ADGRA2: variants seen among roughly 807,000 people sequenced by gnomAD.
ADGRA2 encodes adhesion G protein-coupled receptor A2, also known as G-protein coupled receptor 124.
In ADGRA2, 61 loss-of-function variants were observed where a neutral mutation model predicts 98.7. The ratio of observed to expected loss-of-function variants is 0.62; its 90% confidence interval spans 0.50 to 0.76. The LOEUF (loss-of-function observed/expected upper bound fraction) is 0.76, where lower values mean the gene tolerates loss of function less well. ADGRA2 is among the 30% of genes least tolerant of loss of function. The pLI is 0.00. For missense variants in ADGRA2, 1,712 were observed against 1,860.0 expected, an observed-to-expected ratio of 0.92 and a Z score of 1.46; for synonymous variants, 858 against 831.5, an observed-to-expected ratio of 1.03 and a Z score of -0.55.
At chr8:37,819,176 G>A (rs994600705) in intron 2 of ADGRA2, among the ~76,000 whole-genome samples, 2 of 152,100 alleles carry the variant, frequency 1.3e-5, no homozygotes, top group African/African-American at 4.8e-5. Flanking sequence ...ATGTGTGTGG[G>A]ACACCCACAG....
At chr8:37,833,536 T>A in intron 9 of ADGRA2, 152 bp from the exon 10 acceptor site, 1 of 749,014 alleles carries the variant, frequency 1.3e-6, no homozygotes, top group Non-Finnish European at 2.2e-6. Flanking sequence ...GGTCTCAGCC[T>A]CCTCTGCCCT....
At chr8:37,815,021 G>A in intron 2 of ADGRA2, 54 bp downstream of exon 2, 3 of 1,227,752 alleles carry the variant, frequency 2.4e-6, no homozygotes, top group South Asian at 1.2e-5. Flanking sequence ...ATGGCAAGAG[G>A]TCACCCCGGG....
intron 1 of ADGRA2, among the ~76,000 whole-genome samples, chr8:37,806,726 C>T (rs2129915545): frequency 6.6e-6 from 1 of 151,870 alleles, no homozygotes; most frequent in East Asian, 1.9e-4. Flanking sequence ...GACGGGGTTT[C>T]ACCATGTTGG....
rs1368293710 is a variant in ADGRA2, at chr8:37,814,800, A to G, written c.267-96A>G. On this transcript the variant is annotated intron_variant, in intron 1 of 18. Coordinates refer to ENST00000412232, the MANE Select transcript of ADGRA2 (RefSeq NM_032777.10). This position sits in a 1 kb window ranked among gnomAD's most constrained non-coding sequence, Gnocchi z 4.3. ...GCCTCGCACAACTCCAGGGGGCGCC[A>G]TTGACAAAGATGCAAGCTGGCCCCA... The G allele has an allele frequency of 1.2e-6, 1 of 869,308 alleles. No individual in the cohort carries two copies. The highest frequency in any genetic ancestry group is 2.0e-6 in the Non-Finnish European group (1 of 511,866). The allele number at this position is 869,308 out of a possible 1,614,324, so 53.8% of individuals were successfully genotyped here.
At chr8:37,800,192 A>T (rs569927627) in intron 1 of ADGRA2, among the ~76,000 whole-genome samples, 2 of 152,332 alleles carry the variant, frequency 1.3e-5, no homozygotes, top group African/African-American at 4.8e-5. Context: ...TAACTCACGT[A>T]TTACTGTTAC....
In ADGRA2 at chr8:37,840,807, C is replaced by T; in HGVS notation, c.2705C>T (p.Thr902Ile). Residue 902 changes from threonine to isoleucine, a missense_variant, in exon 18 of 19, where the codon ACA (threonine) becomes ATA (isoleucine). By Grantham distance (89) the Thr-to-Ile change is moderately conservative (BLOSUM62 -1). Transcript: ENST00000412232. ...GGIPLIICGITAAVNIHNYRD... is the reference protein window; with the variant it reads ...GGIPLIICGIIAAVNIHNYRD... ...ATTCCACTCATTATCTGTGGCATCA[C>T]AGCTGCAGTCAACATCCACAACTAC... 1 of 1,610,430 alleles carries T rather than the reference C, an allele frequency of 6.2e-7. No individual in the cohort carries two copies. Among genetic ancestry groups the T allele is most frequent in the Non-Finnish European group, 8.5e-7 (1 of 1,177,234 alleles).
Position 37,835,863 on chromosome 8 carries a change from C to A in ADGRA2, c.2050+93C>A, listed in dbSNP as rs570137926. The stretch of plus-strand genomic sequence containing the variant: ...TGCCCTTCCCTGGCCCACAGCCCCC[C>A]AGTGCCGTAGTGGAACTGACACAGG... On this transcript the variant is annotated intron_variant, in intron 13 of 18. Transcript: ENST00000412232. 2.3e-4 allele frequency: 180 copies of A among 777,126 alleles called. 5 individuals carry two copies. The South Asian group carries it at 2.5e-3, about 11-fold the overall frequency. The allele number at this position is 777,126 out of a possible 1,614,324, so 48.1% of individuals were successfully genotyped here.
chr8:37,840,266 G>A lies in ADGRA2; in HGVS notation c.2657G>A (p.Arg886Gln), dbSNP rs756095204. 40 of 1,611,570 alleles carry A rather than the reference G, an allele frequency of 2.5e-5. 1 individual carries two copies. The highest frequency in any genetic ancestry group is 1.0e-4 in the Admixed American group (6 of 59,988). Residue 886 changes from arginine to glutamine, a missense_variant and splice_region_variant, in exon 17 of 19, where the codon CGG becomes CAG. Transcript: ENST00000412232. ...CTGCCTACTCCCAGTCCTATGCTCC[G>A]GTACATACTTTCAATTCCAGCTTTG... is the stretch of plus-strand genomic sequence containing the variant. ...PALPTPSPML[R>Q]FYLIAGGIPL... is the part of the protein sequence containing the mutation.
At chr8:37,838,847 G>A in intron 14 of ADGRA2, 109 bp from the exon 15 acceptor site, 2 of 1,323,872 alleles carry the variant, frequency 1.5e-6, no homozygotes, top group Admixed American at 2.5e-5. Flanking sequence ...GATGAACTAA[G>A]CACCAAAGTG....
rs530595695 is a variant in ADGRA2 at position 37,801,083 on chromosome 8, C to T, written c.266+3549C>T. 1.1e-4 allele frequency among the ~76,000 whole-genome samples: 16 copies of T among 152,272 alleles called. 1 individual carries two copies. The South Asian group carries it at 3.3e-3, about 32-fold the overall frequency. ...AGCCTCCTCCTGCACTCTGAGAAAG[C>T]CTTCCTGCAGTCAGAGGCGACCCCG... On this transcript the variant is annotated intron_variant, in intron 1 of 18. Coordinates refer to ENST00000412232, the MANE Select transcript of ADGRA2 (RefSeq NM_032777.10).
rs1261934180 is a variant in ADGRA2, at chr8:37,796,898, C to T, written c.-371C>T. 2.6e-5 allele frequency: 4 copies of T among 152,698 alleles called. No homozygotes were observed. The highest frequency in any genetic ancestry group is 7.3e-5 in the African/African-American group (3 of 41,232). 9.5% of individuals were successfully genotyped at this position (152,698 alleles called of 1,614,324 possible). A position where few individuals can be genotyped will look rare whatever the true frequency, so the allele number is the denominator to read the frequency against. ...AGCTGCCTCCATCCATGGCACGGAG[C>T]GGCGGCGGCGGCGGCAGCAGGAGCC... On this transcript the variant is annotated 5_prime_UTR_variant, in exon 1 of 19. Transcript: ENST00000412232.
intron 2 of ADGRA2, among the ~76,000 whole-genome samples, chr8:37,821,671 G>T (rs766046384): frequency 6.6e-6 from 1 of 152,226 alleles, no homozygotes; most frequent in Non-Finnish European, 1.5e-5. Context: ...ACATGGGTCT[G>T]TGTGGACACT....
chr8:37,835,322 C>T lies in ADGRA2; in HGVS notation c.1757C>T (p.Pro586Leu), dbSNP rs1452069387. Residue 586 changes from proline (P) to leucine (L), a missense_variant, in exon 12 of 19, where the codon CCC becomes CTC. Transcript: ENST00000412232. ...CAGAACCCCCCACCTGAGCCCGAGCCCCCAGCTGACCAGCAGCTCCGCTTC... is the reference window on the plus strand; with the variant it reads ...CAGAACCCCCCACCTGAGCCCGAGCTCCCAGCTGACCAGCAGCTCCGCTTC... The part of the protein sequence containing the change: ...PGQNPPPEPE[P>L]PADQQLRFRC... 3 of 1,613,496 alleles carry T rather than the reference C, an allele frequency of 1.9e-6. No homozygotes were observed. The highest frequency in any genetic ancestry group is 2.2e-5 in the East Asian group (1 of 44,880).
chr8:37,811,722 C>A (rs1320795206), intron 1 of ADGRA2, among the ~76,000 whole-genome samples: 1 of 151,030 alleles, frequency 6.6e-6, no homozygotes, highest in East Asian at 2.0e-4. Flanking sequence ...GTGATCTGCC[C>A]GCCTCAGCCT....
At chr8:37,826,672 A>T (rs1805292629) in intron 2 of ADGRA2, among the ~76,000 whole-genome samples, 1 of 152,166 alleles carries the variant, frequency 6.6e-6, no homozygotes, top group South Asian at 2.1e-4. Context: ...GACTGTGCAC[A>T]AACAGGCCCC....
intron 3 of ADGRA2, 111 bp from the exon 4 acceptor site, chr8:37,829,149 CT>C: frequency 1.1e-6 from 1 of 925,804 alleles, no homozygotes. Context: ...ACCTCATCTC[CT>C]TTTTCATCCC....
At chr8:37,812,973 C>T (rs982313894) in intron 1 of ADGRA2, among the ~76,000 whole-genome samples, 1 of 152,056 alleles carries the variant, frequency 6.6e-6, no homozygotes, top group Non-Finnish European at 1.5e-5. Context: ...CAGATGTGAG[C>T]CACCACACCC....
Position 37,810,408 on chromosome 8 carries a change from C to T in ADGRA2, c.267-4488C>T, listed in dbSNP as rs577676816. Among the ~76,000 whole-genome samples, 242 of 151,990 alleles carry T rather than the reference C, an allele frequency of 1.6e-3. 1 individual carries two copies. Among genetic ancestry groups the T allele is most frequent in the South Asian group, 9.7e-3 (47 of 4,824 alleles). ...CCTGTAGTCCCAGCTACTTGGGAGGCGGCAGTAGGAGAATCGCTTGAACCC... is the reference window on the plus strand; with the variant it reads ...CCTGTAGTCCCAGCTACTTGGGAGGTGGCAGTAGGAGAATCGCTTGAACCC... On this transcript the variant is annotated intron_variant, in intron 1 of 18. Coordinates refer to ENST00000412232, the MANE Select transcript of ADGRA2 (RefSeq NM_032777.10).
Position 37,830,780 on chromosome 8 carries a change from G to A in ADGRA2, c.789G>A (p.Arg263=). 1 of 1,598,288 alleles carries A rather than the reference G, an allele frequency of 6.3e-7. No individual in the cohort carries two copies. Residue 263 remains arginine (R), a synonymous_variant, in exon 7 of 19, where the codon CGG becomes CGA. Transcript: ENST00000412232. This position sits in a 1 kb window ranked among gnomAD's most constrained non-coding sequence, Gnocchi z 4.8. The stretch of plus-strand genomic sequence containing the variant: ...GCCAAGTGGTGTTCCAGGGGGATCG[G>A]CTGCCCTTCCAGTGCTCTGCCAGCT... ...SLRQVVFQGD[R]LPFQCSASYL...
Sources: gnomAD v4.1 joint callset for allele counts (sites outside exome capture counted in the v4.1 genomes callset) on GRCh38, gnomAD v4.1.1 for gene constraint, Gnocchi (gnomAD v3.1) non-coding constraint, MANE v1.5 for transcripts, NCBI Gene and HGNC (gene_info 2026-07-23, HGNC 2026-07-21) for gene names.